Variants in HAL observed in about 807,000 individuals in gnomAD.
The protein encoded by HAL is histidase.
HAL carries 85 observed loss-of-function variants against 81.1 expected under a neutral mutation model. That is an observed-to-expected ratio of 1.05 (90% CI 0.88 to 1.25). The LOEUF (loss-of-function observed/expected upper bound fraction) is 1.25, where lower values mean the gene tolerates loss of function less well. Ranked by LOEUF, HAL falls within the 50% of genes most tolerant of loss-of-function variation. The pLI is 0.00. For synonymous variants in HAL, 301 were observed against 309.2 expected (o/e 0.97, Z 0.28); for missense variants, 798 against 836.6 (o/e 0.95, Z 0.57).
At chr12:95,990,568 A>T in intron 9 of HAL, 36 bp from the exon 10 acceptor site, 1 of 1,582,998 alleles carries the variant, frequency 6.3e-7, no homozygotes, top group South Asian at 1.1e-5. Flanking sequence ...GTTCAAGAGT[A>T]CTGCATTCTG....
At chr12:95,984,806 T>C (rs1344682418) in intron 14 of HAL, among the ~76,000 whole-genome samples, 1 of 152,268 alleles carries the variant, frequency 6.6e-6, no homozygotes, top group Non-Finnish European at 1.5e-5. Flanking sequence ...AATCTTCCTG[T>C]AGATCTAATT....
chr12:95,993,784 A>G lies in HAL; in HGVS notation c.539T>C (p.Ile180Thr). ...GTTTTAAACTTACTGTAGCTTATTGATAGGAATTACAGTTCTGGCAAATTT... is the reference window on the plus strand; with the variant it reads ...GTTTTAAACTTACTGTAGCTTATTGGTAGGAATTACAGTTCTGGCAAATTT... The part of the protein sequence containing the change: ...FGKFARTVIP[I>T]NKLQELQVNL... The change falls in exon 7 of 21, where the codon ATC (isoleucine) becomes ACC (threonine). Residue 180 changes from isoleucine (I) to threonine (T), a missense_variant. By Grantham distance (89) the Ile-to-Thr change is moderately conservative (BLOSUM62 -1). Transcript: ENST00000261208. The G allele has an allele frequency of 6.5e-7, 1 of 1,542,918 alleles. No homozygotes were observed. The highest frequency in any genetic ancestry group is 9.0e-7 in the Non-Finnish European group (1 of 1,115,162).
In HAL at chr12:95,987,053, A is replaced by C; in HGVS notation, c.1051+14T>G. The stretch of plus-strand genomic sequence containing the variant: ...GTTGAATGAATAACAACCAAAAGGA[A>C]GAACCCTGCTGACCAGTGTCAAAGG... On this transcript the variant is annotated intron_variant, in intron 12 of 20. Transcript: ENST00000261208. The C allele has an allele frequency of 1.2e-6, 2 of 1,609,478 alleles. No individual in the cohort carries two copies. The highest frequency in any genetic ancestry group is 1.7e-6 in the Non-Finnish European group (2 of 1,176,394).
At position 95,994,007 on chromosome 12, in the gene HAL, ATGT is replaced by A. The variant is rs761803516; in HGVS notation, c.412-12_412-10del. 3.7e-6 allele frequency: 6 copies of A among 1,611,174 alleles called. No homozygotes were observed. On this transcript the variant is annotated splice_polypyrimidine_tract_variant and intron_variant, in intron 5 of 20. Transcript: ENST00000261208. ...TCAGCTGTTGGGGTGAGCTAGGAAA[ATGT>A]TGATCAGAACTGAGCACGTTAAAGA...
chr12:95,985,643 AAAAAG>A (rs1181576813), intron 14 of HAL, among the ~76,000 whole-genome samples: 1 of 151,466 alleles, frequency 6.6e-6, no homozygotes, highest in Non-Finnish European at 1.5e-5. Context: ...AAAAAAAAAA[AAAAAG>A]AGGTTGTCCT....
chr12:95,988,294 T>C, intron 10 of HAL, 54 bp from the exon 11 acceptor site: 2 of 905,880 alleles, frequency 2.2e-6, no homozygotes, highest in South Asian at 2.6e-5. Flanking sequence ...ACTAGCCTAT[T>C]TCCAATATCA....
intron 2 of HAL, 48 bp from the exon 3 acceptor site, chr12:95,995,041 T>A (rs771256456): frequency 7.2e-7 from 1 of 1,381,862 alleles, no homozygotes; most frequent in South Asian, 1.2e-5. Flanking sequence ...TGTACAGCCA[T>A]GTTCCCCCTG....
chr12:95,978,064 C>T lies in HAL; in HGVS notation c.1534G>A (p.Ala512Thr). The T allele has an allele frequency of 6.2e-7, 1 of 1,613,866 alleles. No homozygotes were observed. Among genetic ancestry groups the T allele is most frequent in the South Asian group, 1.1e-5 (1 of 91,080 alleles). The change falls in exon 18 of 21, where the codon GCT (alanine) becomes ACT (threonine). Residue 512 changes from alanine to threonine, a missense_variant. Transcript: ENST00000261208. Reference sequence around the variant, plus strand: ...TCAACAGACGAGGGATGGCACAGAGCCTTGTTCTCAGAAACTGCAAGAGAC... The same window carrying T: ...TCAACAGACGAGGGATGGCACAGAGTCTTGTTCTCAGAAACTGCAAGAGAC... ...TAAALVSENK[A>T]LCHPSSVDSL...
intron 15 of HAL, among the ~76,000 whole-genome samples, chr12:95,983,429 G>A (rs1592842074): frequency 6.6e-6 from 1 of 152,024 alleles, no homozygotes; most frequent in South Asian, 2.1e-4. Context: ...TCAGGATGAG[G>A]AAGCCATAAC....
At chr12:95,982,436 T>C (rs1384938829) in intron 15 of HAL, among the ~76,000 whole-genome samples, 2 of 152,250 alleles carry the variant, frequency 1.3e-5, no homozygotes, top group East Asian at 1.9e-4. Flanking sequence ...TTCTAAAAAC[T>C]ATGAGATACC....
At chr12:95,974,550 G>T (rs74686915) in intron 20 of HAL, among the ~76,000 whole-genome samples, 178 bp from the exon 21 acceptor site, 105 of 152,216 alleles carry the variant, frequency 6.9e-4, no homozygotes, top group African/African-American at 2.3e-3. Flanking sequence ...GTCTTTGGTT[G>T]CATTAAAGAC....
At chr12:95,974,493 T>C (rs1358101237) in intron 20 of HAL, 121 bp from the exon 21 acceptor site, 4 of 874,474 alleles carry the variant, frequency 4.6e-6, no homozygotes, top group Non-Finnish European at 7.6e-6. Context: ...AGCTGCTGTT[T>C]GCTTGCTTTT....
At chr12:95,995,534 G>A in intron 2 of HAL, 130 bp downstream of exon 2, 7 of 1,249,180 alleles carry the variant, frequency 5.6e-6, no homozygotes, top group Non-Finnish European at 8.0e-6. Context: ...CGTGGCATGT[G>A]CCTGCACAGG....
Position 95,978,031 on chromosome 12 carries a change from A to G in HAL, c.1567T>C (p.Ser523Pro), listed in dbSNP as rs1225121026. 2.5e-6 allele frequency: 4 copies of G among 1,613,762 alleles called. No individual in the cohort carries two copies. The South Asian group carries it at 3.3e-5, about 13-fold the overall frequency. The part of the protein sequence containing the change: ...LCHPSSVDSL[S>P]TSAATEDHVS... ...TGGTCCTCCGTGGCTGCGCTGGTGG[A>G]GAGGGAGTCAACAGACGAGGGATGG... Residue 523 changes from serine (S) to proline (P), a missense_variant, in exon 18 of 21, where the codon TCC becomes CCC. Ser to Pro is a moderately conservative substitution (Grantham distance 74). Transcript: ENST00000261208.
At chr12:95,983,861 T>C (rs1453927151) in intron 15 of HAL, 50 bp downstream of exon 15, 9 of 957,474 alleles carry the variant, frequency 9.4e-6, no homozygotes, top group Non-Finnish European at 1.2e-5. Flanking sequence ...GATCCTAAAA[T>C]TACCAGCTGC....
chr12:95,982,409 A>T (rs1272981208), intron 15 of HAL, among the ~76,000 whole-genome samples: 1 of 152,268 alleles, frequency 6.6e-6, no homozygotes, highest in East Asian at 1.9e-4. Context: ...CCCCATATTC[A>T]GTAATTGAAT....
At chr12:95,988,165 T>G (rs759013648) in intron 11 of HAL, 28 bp downstream of exon 11, 1 of 1,145,484 alleles carries the variant, frequency 8.7e-7, no homozygotes, top group South Asian at 1.2e-5. Context: ...TCATGCACTA[T>G]GAACATATTT....
At chr12:95,985,624 CAAAAAAAA>C (rs56285140) in intron 14 of HAL, among the ~76,000 whole-genome samples, 2 of 77,216 alleles carry the variant, frequency 2.6e-5, no homozygotes, top group Admixed American at 1.4e-4. Flanking sequence ...TTGTCTGTCT[CAAAAAAAA>C]AAAAAAAAAA....
intron 2 of HAL, 33 bp from the exon 3 acceptor site, chr12:95,995,026 C>T: frequency 6.7e-7 from 1 of 1,485,462 alleles, no homozygotes; most frequent in Non-Finnish European, 9.4e-7. Context: ...CGTTACAGAT[C>T]ACATTGTACA....
Sources: gnomAD v4.1 joint callset for allele counts (sites outside exome capture counted in the v4.1 genomes callset) on GRCh38, gnomAD v4.1.1 for gene constraint, MANE v1.5 for transcripts, NCBI Gene and HGNC (gene_info 2026-07-23, HGNC 2026-07-21) for gene names.